The following YEATS2 variants were observed in gnomAD, a reference collection of about 807,000 sequenced individuals.
The protein encoded by YEATS2 is YEATS domain-containing protein 2.
A neutral mutation model predicts 163.2 loss-of-function variants in YEATS2; 77 were observed. The ratio of observed to expected loss-of-function variants is 0.47; its 90% CI spans 0.39 to 0.57. The LOEUF (loss-of-function observed/expected upper bound fraction) is 0.57, where lower values mean the gene tolerates loss of function less well. YEATS2 is among the 20% of genes least tolerant of loss of function. The probability of loss-of-function intolerance (pLI) is 0.00; values close to 1 mark genes in which losing one functional copy is unlikely to be tolerated. For missense variants in YEATS2, 1,549 were observed against 1,729.8 expected, an observed-to-expected ratio of 0.90 and a Z score of 1.85; for synonymous variants, 631 against 645.1, an observed-to-expected ratio of 0.98 and a Z score of 0.33.
At chr3:183,735,861 A>G (rs1489315570) in intron 7 of YEATS2, among the ~76,000 whole-genome samples, 1 of 151,970 alleles carries the variant, frequency 6.6e-6, no homozygotes, top group Non-Finnish European at 1.5e-5. Context: ...TGTAATTTTG[A>G]TATCTTCTCT....
intron 11 of YEATS2, among the ~76,000 whole-genome samples, chr3:183,755,730 TTCC>T: frequency 1.0e-4 from 5 of 48,790 alleles, no homozygotes; most frequent in Admixed American, 2.6e-4. Context: ...ACTGATTTTC[TTCC>T]TTCCTTTCTT....
chr3:183,806,585 G>A (rs369168423), intron 27 of YEATS2: 2 of 467,430 alleles, frequency 4.3e-6, no homozygotes, highest in Non-Finnish European at 7.9e-6. Context: ...CAGAGGGAGG[G>A]GGATGACCTG....
At position 183,700,090 on chromosome 3, in the gene YEATS2, A is replaced by G. The variant is rs543069816; in HGVS notation, c.-20+2097A>G. Among the ~76,000 whole-genome samples the G allele has an allele frequency of 3.3e-5, 5 of 152,030 alleles. No individual in the cohort carries two copies. In the South Asian group the frequency reaches 1.0e-3, roughly 32 times the overall value. On this transcript the variant is annotated intron_variant, in intron 1 of 30. Transcript: ENST00000305135. ...TTTTCCCATTTATTGGCTGTTTGTG[A>G]ATTTCTTTTCCTGTTCTCTGTCATC...
chr3:183,795,125 T>G (rs1435104789), intron 21 of YEATS2, among the ~76,000 whole-genome samples: 2 of 147,862 alleles, frequency 1.4e-5, no homozygotes, highest in African/African-American at 5.0e-5. Context: ...CCATGATTGC[T>G]CGCATCACTG....
chr3:183,707,937 G>A (rs1714788311), intron 1 of YEATS2, among the ~76,000 whole-genome samples: 1 of 151,956 alleles, frequency 6.6e-6, no homozygotes, highest in Admixed American at 6.6e-5. Context: ...GCCTCCCAAA[G>A]TGCTGAGATT....
chr3:183,791,076 C>A, intron 21 of YEATS2, 96 bp downstream of exon 21: 1 of 1,478,348 alleles, frequency 6.8e-7, no homozygotes, highest in Non-Finnish European at 9.2e-7. Context: ...CTCTGTCGCC[C>A]AAGCTAGAGT....
intron 16 of YEATS2, 102 bp from the exon 17 acceptor site, chr3:183,773,531 G>C: frequency 8.8e-7 from 1 of 1,142,246 alleles, no homozygotes. Flanking sequence ...TTTATTGCTT[G>C]TTAGTGTTCT....
intron 1 of YEATS2, among the ~76,000 whole-genome samples, chr3:183,713,164 T>C (rs1257405039): frequency 6.6e-6 from 1 of 152,234 alleles, no homozygotes; most frequent in Non-Finnish European, 1.5e-5. Context: ...ATCTAATTGC[T>C]GATTTATTTA....
rs1716147843 is a variant in YEATS2 at position 183,718,558 on chromosome 3, A to G, written c.257A>G (p.Tyr86Cys). Residue 86 changes from tyrosine to cysteine, a missense_variant, in exon 4 of 31, where the codon TAC becomes TGC. Coordinates refer to ENST00000305135, the MANE Select transcript of YEATS2 (RefSeq NM_018023.5). ...CTGCGTGCCTGCATTGTAGCAAACT[A>G]CTATGCTTCTGCAGGTCTTCTAAAA... ...DKLRACIVAN[Y>C]YASAGLLKVS... The G allele has an allele frequency of 5.6e-6, 9 of 1,613,540 alleles. No homozygotes were observed. The highest frequency in any genetic ancestry group is 2.2e-5 in the East Asian group (1 of 44,848).
At chr3:183,708,299 C>T (rs1425036535) in intron 1 of YEATS2, among the ~76,000 whole-genome samples, 1 of 151,452 alleles carries the variant, frequency 6.6e-6, no homozygotes, top group Non-Finnish European at 1.5e-5. Flanking sequence ...GTAGCTGGGA[C>T]TACAGGCACT....
chr3:183,767,818 G>A (rs1040783598), intron 15 of YEATS2, among the ~76,000 whole-genome samples: 1 of 152,098 alleles, frequency 6.6e-6, no homozygotes, highest in African/African-American at 2.4e-5. Flanking sequence ...CGCCCGGCAG[G>A]ATACCAGGTT....
intron 1 of YEATS2, among the ~76,000 whole-genome samples, chr3:183,711,690 T>G (rs1338579492): frequency 1.3e-5 from 2 of 152,134 alleles, no homozygotes; most frequent in African/African-American, 4.8e-5. Flanking sequence ...AAGTGTTCTC[T>G]CAGATGTGGG....
rs1017571760 is a variant in YEATS2 at position 183,776,072 on chromosome 3, G to A, written c.2526G>A (p.Gly842=). 6.2e-7 allele frequency: 1 copy of A among 1,611,216 alleles called. No homozygotes were observed. Among genetic ancestry groups the A allele is most frequent in the Non-Finnish European group, 8.5e-7 (1 of 1,178,640 alleles). ...GGTQSTAGPG[G]ISQHLTYTSY... is the part of the protein sequence containing the mutation. ...CTCAAAGTACTGCTGGCCCTGGAGGGATATCTCAGCACCTGACTTACACAT... is the reference window on the plus strand; with the variant it reads ...CTCAAAGTACTGCTGGCCCTGGAGGAATATCTCAGCACCTGACTTACACAT... The change falls in exon 18 of 31, where the codon GGG becomes GGA. Residue 842 remains glycine, a synonymous_variant. Transcript: ENST00000305135.
chr3:183,781,914 AAT>A (rs1491480141), intron 19 of YEATS2, among the ~76,000 whole-genome samples: 5 of 151,554 alleles, frequency 3.3e-5, no homozygotes, highest in African/African-American at 9.7e-5. Context: ...AAAAAAAAAA[AAT>A]TTTTTTTTTC....
At position 183,747,666 on chromosome 3, in the gene YEATS2, C is replaced by A. The variant is rs764805801; in HGVS notation, c.925-6C>A. ...ATTTAACACTCTCCCTTTTGTCTTT[C>A]CATAGCTGGATAGAACTTATACTGG... is the stretch of plus-strand genomic sequence containing the variant. On this transcript the variant is annotated splice_region_variant and splice_polypyrimidine_tract_variant and intron_variant, in intron 8 of 30. Transcript: ENST00000305135. 17 of 1,611,648 alleles carry A rather than the reference C, an allele frequency of 1.1e-5. No homozygotes were observed. The highest frequency in any genetic ancestry group is 1.3e-5 in the Non-Finnish European group (15 of 1,178,310).
At chr3:183,735,995 A>G (rs1418821605) in intron 7 of YEATS2, among the ~76,000 whole-genome samples, 1 of 152,144 alleles carries the variant, frequency 6.6e-6, no homozygotes, top group African/African-American at 2.4e-5. Context: ...AAATTTCTAA[A>G]TTTTTTTATT....
rs561241860 is a variant in YEATS2 at position 183,744,244 on chromosome 3, C to T, written c.925-3428C>T. ...TCTTCTGCCTCACCCTCCCAGTTAG[C>T]TGAGATTACAGGTGCCCGCCACCAC... On this transcript the variant is annotated intron_variant, in intron 8 of 30. Transcript: ENST00000305135. 3.3e-5 allele frequency among the ~76,000 whole-genome samples: 5 copies of T among 150,940 alleles called. No individual in the cohort carries two copies. The East Asian group carries it at 7.9e-4, about 24-fold the overall frequency.
chr3:183,774,995 G>A (rs1161520933), intron 17 of YEATS2, among the ~76,000 whole-genome samples: 1 of 152,234 alleles, frequency 6.6e-6, no homozygotes, highest in Non-Finnish European at 1.5e-5. Flanking sequence ...TCACTGGAAT[G>A]AAGGTGGAGA....
intron 7 of YEATS2, among the ~76,000 whole-genome samples, chr3:183,731,116 A>G (rs1021203345): frequency 5.9e-5 from 9 of 152,054 alleles, no homozygotes; most frequent in Non-Finnish European, 1.2e-4. Context: ...CCTGGCCAAC[A>G]TGGTGAAACC....
Sources: gnomAD v4.1 joint callset for allele counts (sites outside exome capture counted in the v4.1 genomes callset) on GRCh38, gnomAD v4.1.1 for gene constraint, MANE v1.5 for transcripts, NCBI Gene and HGNC (gene_info 2026-07-23, HGNC 2026-07-21) for gene names.